The following VPS41 variants were observed in gnomAD, a reference collection of about 807,000 sequenced individuals.
VPS41 encodes VPS41 subunit of HOPS complex, also known as vacuolar protein sorting-associated protein 41 homolog.
Under a neutral mutation model 130.9 loss-of-function variants are expected in VPS41, and 85 were observed. The observed-to-expected ratio is 0.65, with a 90% confidence interval of 0.55 to 0.78. The LOEUF (loss-of-function observed/expected upper bound fraction) is 0.78. Ranked by LOEUF, VPS41 falls within the 30% of genes least tolerant of loss-of-function variation. The pLI, the probability that VPS41 is intolerant of heterozygous loss-of-function variation, is 0.00. For synonymous variants in VPS41, 335 were observed against 332.9 expected (o/e 1.01, Z -0.07); for missense variants, 874 against 1,018.7 (o/e 0.86, Z 1.93).
In VPS41 at chr7:38,795,621, A is replaced by C; in HGVS notation, c.571-10T>G. The C allele has an allele frequency of 6.2e-7, 1 of 1,609,548 alleles. No individual in the cohort carries two copies. Among genetic ancestry groups the C allele is most frequent in the East Asian group, 2.2e-5 (1 of 44,738 alleles). On this transcript the variant is annotated splice_polypyrimidine_tract_variant and intron_variant, in intron 8 of 28. Coordinates refer to ENST00000310301, the MANE Select transcript of VPS41 (RefSeq NM_014396.4). The stretch of plus-strand genomic sequence containing the variant: ...CAAAAATCTTCACACCCTGGAAAAT[A>C]ATACAGCAGTAAGCATCCTCTACTC...
intron 5 of VPS41, among the ~76,000 whole-genome samples, chr7:38,825,158 G>A (rs1562599999): frequency 6.6e-6 from 1 of 152,224 alleles, no homozygotes; most frequent in Non-Finnish European, 1.5e-5. Context: ...AGTAGGGGCT[G>A]GAGGAGTAAC....
At chr7:38,887,486 G>A (rs1403074899) in intron 2 of VPS41, among the ~76,000 whole-genome samples, 1 of 152,178 alleles carries the variant, frequency 6.6e-6, no homozygotes, top group Non-Finnish European at 1.5e-5. Context: ...AGAAAAAAGA[G>A]TGAAAAGAAA....
intron 1 of VPS41, among the ~76,000 whole-genome samples, chr7:38,898,666 CACT>C (rs1317972818): frequency 6.6e-6 from 1 of 152,212 alleles, no homozygotes; most frequent in African/African-American, 2.4e-5. Context: ...AAACCATCAC[CACT>C]AAGACAAATT....
chr7:38,869,013 G>A (rs1488894540), intron 3 of VPS41, 133 bp downstream of exon 3: 2 of 639,080 alleles, frequency 3.1e-6, no homozygotes, highest in African/African-American at 3.6e-5. Context: ...TTGTTGGCAA[G>A]GAGGAAGAGA....
At chr7:38,853,170 A>C (rs1309434222) in intron 4 of VPS41, among the ~76,000 whole-genome samples, 1 of 152,186 alleles carries the variant, frequency 6.6e-6, no homozygotes, top group Non-Finnish European at 1.5e-5. Context: ...CTGTAATCCC[A>C]GCACTTTGGG....
intron 1 of VPS41, among the ~76,000 whole-genome samples, chr7:38,901,548 T>A (rs10239757): frequency 0.01 from 1,553 of 152,164 alleles, 6 homozygotes; most frequent in Non-Finnish European, 0.014. Flanking sequence ...ACCAGCTCTC[T>A]TGGGAACTAA....
At chr7:38,873,261 T>C (rs963240388) in intron 2 of VPS41, among the ~76,000 whole-genome samples, 5 of 151,908 alleles carry the variant, frequency 3.3e-5, no homozygotes, top group Admixed American at 3.3e-4. Flanking sequence ...AAGTTAAAAG[T>C]AGGGTAAAGG....
chr7:38,858,992 G>A (rs1226392848), intron 4 of VPS41, among the ~76,000 whole-genome samples: 2 of 152,070 alleles, frequency 1.3e-5, no homozygotes, highest in African/African-American at 4.8e-5. Flanking sequence ...ACCCCTGAAG[G>A]CCTTCCAGCA....
chr7:38,857,822 G>C (rs1473826141), intron 4 of VPS41, among the ~76,000 whole-genome samples: 1 of 152,186 alleles, frequency 6.6e-6, no homozygotes, highest in Non-Finnish European at 1.5e-5. Flanking sequence ...GTTTTAGGGT[G>C]ACATAAGACA....
intron 4 of VPS41, among the ~76,000 whole-genome samples, chr7:38,847,695 C>G (rs1213104292): frequency 6.6e-6 from 1 of 152,090 alleles, no homozygotes; most frequent in Non-Finnish European, 1.5e-5. Context: ...TCAGCAGGGC[C>G]CATAAATATC....
chr7:38,888,378 T>C (rs533256052), intron 2 of VPS41, among the ~76,000 whole-genome samples: 2 of 152,308 alleles, frequency 1.3e-5, no homozygotes, highest in South Asian at 4.1e-4. Flanking sequence ...GTTGCAATCC[T>C]GGACTCTGAT....
intron 12 of VPS41, 109 bp downstream of exon 12, chr7:38,774,006 C>G (rs1584389081): frequency 8.9e-7 from 1 of 1,129,446 alleles, no homozygotes; most frequent in Non-Finnish European, 1.2e-6. Context: ...CGCAGGTATT[C>G]TCTTAAGATT....
At chr7:38,757,348 C>G (rs760770338) in intron 18 of VPS41, among the ~76,000 whole-genome samples, 11 of 152,150 alleles carry the variant, frequency 7.2e-5, no homozygotes, top group Non-Finnish European at 1.5e-4. Flanking sequence ...CCAATTCTTA[C>G]AAGCAGTATT....
At chr7:38,859,161 TAAAG>T (rs1786048409) in intron 4 of VPS41, among the ~76,000 whole-genome samples, 1 of 152,012 alleles carries the variant, frequency 6.6e-6, no homozygotes, top group African/African-American at 2.4e-5. Flanking sequence ...AATAAATACA[TAAAG>T]AAATATTTTG....
At chr7:38,752,098 G>C in intron 22 of VPS41, 78 bp downstream of exon 22, 2 of 1,578,452 alleles carry the variant, frequency 1.3e-6, no homozygotes, top group Non-Finnish European at 1.7e-6. Flanking sequence ...GAGATAGAAA[G>C]AGAAGAAAGA....
At position 38,726,924 on chromosome 7, in the gene VPS41, C is replaced by T. The variant is rs1419196418; in HGVS notation, c.2469G>A (p.Leu823=). ...GCCAACTCACCATGCTGGGCATGGGCAGGCACTCCTTGTGGAACATGTGCC... is the reference window on the plus strand; with the variant it reads ...GCCAACTCACCATGCTGGGCATGGGTAGGCACTCCTTGTGGAACATGTGCC... The part of the protein sequence containing the change: ...HCRHMFHKEC[L]PMPSMNSAAQ... The change falls in exon 28 of 29, where the codon CTG becomes CTA. Residue 823 remains leucine (L), a synonymous_variant. Transcript: ENST00000310301. 1.3e-6 allele frequency: 2 copies of T among 1,583,736 alleles called. No individual in the cohort carries two copies. Among genetic ancestry groups the T allele is most frequent in the East Asian group, 2.4e-5 (1 of 42,512 alleles).
chr7:38,887,529 T>C (rs1219700924), intron 2 of VPS41, among the ~76,000 whole-genome samples: 1 of 151,802 alleles, frequency 6.6e-6, no homozygotes, highest in East Asian at 1.9e-4. Context: ...TGGGACTATG[T>C]GAAAAGACCA....
chr7:38,865,140 A>T (rs533672302), intron 3 of VPS41, among the ~76,000 whole-genome samples: 118 of 152,342 alleles, frequency 7.7e-4, no homozygotes, highest in Non-Finnish European at 1.2e-3. Flanking sequence ...TCAATTACAC[A>T]TGAGGAAATA....
chr7:38,834,862 A>T (rs1785462153), intron 4 of VPS41, among the ~76,000 whole-genome samples: 1 of 152,054 alleles, frequency 6.6e-6, no homozygotes, highest in East Asian at 1.9e-4. Flanking sequence ...AAGAAAAAAA[A>T]ATAGCACATT....
Sources: gnomAD v4.1 joint callset for allele counts (sites outside exome capture counted in the v4.1 genomes callset) on GRCh38, gnomAD v4.1.1 for gene constraint, MANE v1.5 for transcripts, NCBI Gene and HGNC (gene_info 2026-07-23, HGNC 2026-07-21) for gene names.